CAPN11: variants seen among roughly 807,000 people sequenced by gnomAD.
CAPN11 encodes the protein calpain 11.
In CAPN11, 108 loss-of-function variants were observed where a neutral mutation model predicts 105.3. That is an observed-to-expected ratio of 1.03 (90% CI 0.88 to 1.20). CAPN11 has a LOEUF of 1.20. Among genes scored for constraint, CAPN11 ranks in the 50% most tolerant of loss-of-function variants. The probability of loss-of-function intolerance (pLI) is 0.00; values close to 1 mark genes in which losing one functional copy is unlikely to be tolerated. For synonymous variants in CAPN11, 329 were observed against 344.5 expected, an observed-to-expected ratio of 0.96 and a Z score of 0.50; for missense variants, 883 against 924.8, an observed-to-expected ratio of 0.95 and a Z score of 0.59.
chr6:44,182,999 G>A lies in CAPN11; in HGVS notation c.1997G>A (p.Arg666His), dbSNP rs769234047. The change falls in exon 20 of 23, where the codon CGC becomes CAC. Residue 666 changes from arginine to histidine, a missense_variant. Physicochemically the swap from Arg to His is conservative, Grantham distance 29 (BLOSUM62 0). Coordinates refer to ENST00000398776, the MANE Select transcript of CAPN11 (RefSeq NM_007058.4). ...GGCACCTTGAACTCCTATGAGATGC[G>A]CCTGGTTATTGAGAAAGCAGGTGGC... is the stretch of plus-strand genomic sequence containing the variant. ...HSGTLNSYEM[R>H]LVIEKAGIKL... 226 of 1,612,106 alleles carry A rather than the reference G, an allele frequency of 1.4e-4. No individual in the cohort carries two copies. Among genetic ancestry groups the A allele is most frequent in the Non-Finnish European group, 1.7e-4 (206 of 1,178,970 alleles).
At chr6:44,179,743 G>C in intron 13 of CAPN11, 113 bp downstream of exon 13, 1 of 1,191,150 alleles carries the variant, frequency 8.4e-7, no homozygotes, top group Non-Finnish European at 1.3e-6. Context: ...GGGTCACTGG[G>C]TTAGGATTCC....
At chr6:44,178,254 C>T (rs1265039744) in intron 12 of CAPN11, among the ~76,000 whole-genome samples, 1 of 152,098 alleles carries the variant, frequency 6.6e-6, no homozygotes, top group Admixed American at 6.5e-5. Flanking sequence ...CTCACACATC[C>T]AAGGGTCAGA....
At position 44,180,953 on chromosome 6, in the gene CAPN11, GGCTTTGGCCTGGAT is replaced by G. The variant is rs767131837; in HGVS notation, c.1830_1843del (p.Phe610LeufsTer10). The stretch of plus-strand genomic sequence containing the variant: ...CACAGTCAAAAGCTTCAAGACCAAG[GGCTTTGGCCTGGAT>G]GCTTGCCGCTGCATGATCAACCTCA... On this transcript the variant is annotated frameshift_variant, in exon 18 of 23. Transcript: ENST00000398776. LOFTEE classifies it high-confidence loss of function. 6.2e-7 allele frequency: 1 copy of G among 1,613,584 alleles called. No homozygotes were observed. The highest frequency in any genetic ancestry group is 1.1e-5 in the South Asian group (1 of 91,068).
intron 12 of CAPN11, among the ~76,000 whole-genome samples, chr6:44,178,750 TAA>T (rs35225903): frequency 0.011 from 1,315 of 116,014 alleles, 22 homozygotes; most frequent in African/African-American, 0.038. Context: ...CTGTCTCGAT[TAA>T]AAAAAAAAAA....
rs1320162389 is a variant in CAPN11 at position 44,166,802 on chromosome 6, G to A, written c.61G>A (p.Glu21Lys). The stretch of plus-strand genomic sequence containing the variant: ...AGCAGAGAGCCTGGATGGATCACAG[G>A]AGGATAAGCCTCGGGGCTCATGTGC... The part of the protein sequence containing the change: ...ESAESLDGSQ[E>K]DKPRGSCAEP... Residue 21 changes from glutamate to lysine, a missense_variant, in exon 2 of 23, where the codon GAG (glutamate) becomes AAG (lysine). Transcript: ENST00000398776. 1.9e-6 allele frequency: 3 copies of A among 1,552,094 alleles called. No homozygotes were observed. The highest frequency in any genetic ancestry group is 1.7e-6 in the Non-Finnish European group (2 of 1,146,996).
chr6:44,164,267 G>A (rs1054831730), intron 1 of CAPN11, among the ~76,000 whole-genome samples: 1 of 152,178 alleles, frequency 6.6e-6, no homozygotes, highest in African/African-American at 2.4e-5. Context: ...TGCCCTCACA[G>A]GCTTTCACTC....
At chr6:44,181,531 C>CCACACACACACA (rs1773322365) in intron 19 of CAPN11, among the ~76,000 whole-genome samples, 1 of 94,876 alleles carries the variant, frequency 1.1e-5, no homozygotes, top group Non-Finnish European at 2.4e-5. Flanking sequence ...CACAACCACA[C>CCACACACACACA]CACACTCACA....
intron 1 of CAPN11, among the ~76,000 whole-genome samples, chr6:44,161,559 A>G (rs1041748471): frequency 2.6e-5 from 4 of 152,212 alleles, no homozygotes; most frequent in African/African-American, 4.8e-5. Flanking sequence ...CCTTCCTGCA[A>G]GTCAGAGCTG....
At chr6:44,181,463 A>ACACACACTCACATACAGACACAACCACAC in intron 19 of CAPN11, 143 bp downstream of exon 19, 1 of 529,728 alleles carries the variant, frequency 1.9e-6, no homozygotes, top group African/African-American at 2.3e-5. Flanking sequence ...ACACACACAC[A>ACACACACTCACATACAGACACAACCACAC]CACACTCACA....
chr6:44,169,269 T>C lies in CAPN11; in HGVS notation c.89-12T>C. 6.3e-7 allele frequency: 1 copy of C among 1,590,486 alleles called. No homozygotes were observed. The highest frequency in any genetic ancestry group is 8.6e-7 in the Non-Finnish European group (1 of 1,169,144). On this transcript the variant is annotated splice_polypyrimidine_tract_variant and intron_variant, in intron 2 of 22. Coordinates refer to ENST00000398776, the MANE Select transcript of CAPN11 (RefSeq NM_007058.4). ...TTTACTTGCGTTATTTCTCTTTTTT[T>C]TTCTTAAGCAGAGCCCACTTTTACT...
Position 44,173,206 on chromosome 6 carries a change from C to T in CAPN11, c.663-12C>T, listed in dbSNP as rs886811693. 3.7e-6 allele frequency: 6 copies of T among 1,613,474 alleles called. No homozygotes were observed. Among genetic ancestry groups the T allele is most frequent in the Non-Finnish European group, 5.1e-6 (6 of 1,179,626 alleles). On this transcript the variant is annotated splice_polypyrimidine_tract_variant and intron_variant, in intron 6 of 22. Coordinates refer to ENST00000398776, the MANE Select transcript of CAPN11 (RefSeq NM_007058.4). ...ATCCTAGAGCCCAACAGTGCCTTCT[C>T]TGTGCCCACAGGCTGAGTGGGTCCT...
chr6:44,169,972 C>T lies in CAPN11; in HGVS notation c.406C>T (p.Leu136Phe), dbSNP rs1351808253. ...ISPTDICQGI[L>F]GDCWLLAAIG... ...TCCAACAGACATCTGCCAGGGGATCCTCGGTGAGTGGGGCACAGGAAGCTG... is the reference window on the plus strand; with the variant it reads ...TCCAACAGACATCTGCCAGGGGATCTTCGGTGAGTGGGGCACAGGAAGCTG... The change falls in exon 4 of 23, where the codon CTC (leucine) becomes TTC (phenylalanine). Residue 136 changes from leucine (L) to phenylalanine (F), a missense_variant. Transcript: ENST00000398776. 1.9e-6 allele frequency: 3 copies of T among 1,609,362 alleles called. No homozygotes were observed. The highest frequency in any genetic ancestry group is 1.3e-5 in the African/African-American group (1 of 74,846).
chr6:44,174,616 C>CTT (rs56119973), intron 7 of CAPN11, among the ~76,000 whole-genome samples: 40 of 81,482 alleles, frequency 4.9e-4, no homozygotes, highest in East Asian at 1.0e-3. Context: ...TCACGATATT[C>CTT]TTTTTTTTTT....
intron 4 of CAPN11, among the ~76,000 whole-genome samples, chr6:44,171,031 C>T (rs548588301): frequency 2.4e-4 from 36 of 152,208 alleles, no homozygotes; most frequent in African/African-American, 7.5e-4. Context: ...CTGCTGTGGC[C>T]GCTGTGGCTC....
intron 7 of CAPN11, among the ~76,000 whole-genome samples, chr6:44,175,602 C>T (rs771076911): frequency 7.9e-5 from 12 of 152,048 alleles, no homozygotes; most frequent in Non-Finnish European, 1.8e-4. Context: ...ATGGTAAAAC[C>T]CCATCTATAC....
At chr6:44,183,303 C>A (rs1452318691) in intron 21 of CAPN11, 68 bp downstream of exon 21, 2 of 958,592 alleles carry the variant, frequency 2.1e-6, no homozygotes, top group Non-Finnish European at 3.4e-6. Flanking sequence ...AAACACCCAC[C>A]CTGATGGGTG....
Position 44,180,073 on chromosome 6 carries a change from G to A in CAPN11, c.1550G>A (p.Gly517Glu), listed in dbSNP as rs1456187382. ...AGCAGCCAACTCCGGCTGCCTCCGG[G>A]GGAATATATCATTATTCCCTCCACC... ...EVSSQLRLPP[G>E]EYIIIPSTFE... Residue 517 changes from glycine to glutamate, a missense_variant, in exon 14 of 23, where the codon GGG becomes GAG. Coordinates refer to ENST00000398776, the MANE Select transcript of CAPN11 (RefSeq NM_007058.4). The A allele has an allele frequency of 6.2e-7, 1 of 1,613,358 alleles. No individual in the cohort carries two copies. Among genetic ancestry groups the A allele is most frequent in the South Asian group, 1.1e-5 (1 of 91,040 alleles).
Position 44,182,972 on chromosome 6 carries a change from C to G in CAPN11, c.1970C>G (p.Ser657Ter). 1 of 1,611,382 alleles carries G rather than the reference C, an allele frequency of 6.2e-7. No homozygotes were observed. Among genetic ancestry groups the G allele is most frequent in the South Asian group, 1.1e-5 (1 of 90,604 alleles). The change falls in exon 20 of 23, where the codon TCA becomes TGA. Residue 657 changes from serine (S) to a stop codon, truncating the protein, a stop_gained. Transcript: ENST00000398776. LOFTEE classifies it high-confidence loss of function. ...TTCAGAGAGTGTGACCAGGACCATT[C>G]AGGCACCTTGAACTCCTATGAGATG... ...DIFRECDQDH[S>*]GTLNSYEMRL...
chr6:44,181,211 C>T (rs145556985), intron 18 of CAPN11, 41 bp from the exon 19 acceptor site: 14 of 1,586,144 alleles, frequency 8.8e-6, no homozygotes, highest in Non-Finnish European at 1.2e-5. Flanking sequence ...CCCTGGGATG[C>T]CTTCTTCACT....
Sources: gnomAD v4.1 joint callset for allele counts (sites outside exome capture counted in the v4.1 genomes callset) on GRCh38, gnomAD v4.1.1 for gene constraint, MANE v1.5 for transcripts, NCBI Gene and HGNC (gene_info 2026-07-23, HGNC 2026-07-21) for gene names.